LUZP2: variants seen among roughly 807,000 people sequenced by gnomAD.
The protein encoded by LUZP2 is leucine zipper protein 2.
A neutral mutation model predicts 51.6 loss-of-function variants in LUZP2; 52 were observed. That is an observed-to-expected ratio of 1.01 (90% CI 0.81 to 1.27). LUZP2 has a LOEUF of 1.27. Ranked by LOEUF, LUZP2 falls within the 50% of genes most tolerant of loss-of-function variation. LUZP2 has a pLI of 0.00. For synonymous variants in LUZP2, 154 were observed against 137.3 expected (o/e 1.12, Z -0.85); for missense variants, 436 against 395.4 (o/e 1.10, Z -0.87).
At chr11:25,047,026 G>T (rs914373182) in intron 9 of LUZP2, among the ~76,000 whole-genome samples, 18 of 152,088 alleles carry the variant, frequency 1.2e-4, no homozygotes, top group Non-Finnish European at 2.5e-4. Context: ...AAAGAAATTT[G>T]CAAGGAAATT....
chr11:24,997,674 T>C (rs1193989969), intron 9 of LUZP2, among the ~76,000 whole-genome samples: 3 of 152,104 alleles, frequency 2.0e-5, no homozygotes, highest in African/African-American at 7.2e-5. Context: ...TTTTGGTGTT[T>C]TAGACATGAA....
chr11:25,034,258 C>T (rs1174567015), intron 9 of LUZP2, among the ~76,000 whole-genome samples: 1 of 152,038 alleles, frequency 6.6e-6, no homozygotes, highest in Non-Finnish European at 1.5e-5. Context: ...GTCCTTTTCC[C>T]ATTTTTAACA....
chr11:24,514,690 C>G (rs1354382939), intron 1 of LUZP2, among the ~76,000 whole-genome samples: 1 of 151,838 alleles, frequency 6.6e-6, no homozygotes, highest in Non-Finnish European at 1.5e-5. Flanking sequence ...TTGATATTCC[C>G]AAGTGTGAGA....
At chr11:25,064,943 A>G (rs1858956228) in intron 10 of LUZP2, among the ~76,000 whole-genome samples, 1 of 152,100 alleles carries the variant, frequency 6.6e-6, no homozygotes, top group African/African-American at 2.4e-5. Context: ...TTGAGGTTTA[A>G]TATGTTAGCA....
In LUZP2 at chr11:24,760,573, T is replaced by C. The variant is rs539323275; in HGVS notation, c.334-2673T>C. On this transcript the variant is annotated intron_variant, in intron 4 of 11. Coordinates refer to ENST00000336930, the MANE Select transcript of LUZP2 (RefSeq NM_001009909.4). ...AATTCTCAAGCTTCTCTTTCTGTAT[T>C]ATGTGTTCTTTTGCCATAAAAAGTG... Among the ~76,000 whole-genome samples, 185 of 152,302 alleles carry C rather than the reference T, an allele frequency of 1.2e-3. 4 individuals carry two copies. The highest frequency in any genetic ancestry group is 1.0e-3 in the South Asian group (5 of 4,828).
In LUZP2 at chr11:24,772,856, C is replaced by G. The variant is rs564617408; in HGVS notation, c.396+9548C>G. 7.2e-5 allele frequency among the ~76,000 whole-genome samples: 11 copies of G among 152,244 alleles called. No individual in the cohort carries two copies. In the South Asian group the frequency reaches 2.3e-3, roughly 32 times the overall value. ...CTCTATGTGCCTCTTATTCATGTGC[C>G]TCTATGTCTTTGTGTGTCTTCTCCT... On this transcript the variant is annotated intron_variant, in intron 5 of 11. Coordinates refer to ENST00000336930, the MANE Select transcript of LUZP2 (RefSeq NM_001009909.4).
chr11:24,919,670 A>G (rs1052064285), intron 7 of LUZP2, among the ~76,000 whole-genome samples: 1 of 149,370 alleles, frequency 6.7e-6, no homozygotes, highest in Non-Finnish European at 1.5e-5. Flanking sequence ...GCATACATAT[A>G]TATATAATGA....
At chr11:24,801,597 C>G (rs1388335691) in intron 5 of LUZP2, among the ~76,000 whole-genome samples, 2 of 151,596 alleles carry the variant, frequency 1.3e-5, no homozygotes, top group Admixed American at 6.6e-5. Context: ...TATCACAACT[C>G]CATATTGCTT....
chr11:24,759,174 G>T (rs1053002300), intron 4 of LUZP2, among the ~76,000 whole-genome samples: 2 of 152,064 alleles, frequency 1.3e-5, no homozygotes, highest in African/African-American at 4.8e-5. Context: ...CCCTACTCTT[G>T]TTAATTTTTA....
intron 5 of LUZP2, among the ~76,000 whole-genome samples, chr11:24,768,629 T>C (rs1187429625): frequency 6.6e-6 from 1 of 152,096 alleles, no homozygotes; most frequent in African/African-American, 2.4e-5. Flanking sequence ...GATTTACAAA[T>C]GCCCAAAAGG....
intron 1 of LUZP2, among the ~76,000 whole-genome samples, chr11:24,526,197 C>A (rs1192392613): frequency 6.7e-6 from 1 of 149,942 alleles, no homozygotes; most frequent in African/African-American, 2.5e-5. Context: ...CCACTATCTG[C>A]AGGGCTCCAA....
At chr11:24,553,579 G>A (rs1159984165) in intron 1 of LUZP2, among the ~76,000 whole-genome samples, 3 of 152,022 alleles carry the variant, frequency 2.0e-5, no homozygotes, top group African/African-American at 7.2e-5. Flanking sequence ...CAGGACCTAT[G>A]AGCAAGAATC....
chr11:24,898,367 A>G (rs554409282), intron 5 of LUZP2, among the ~76,000 whole-genome samples: 46 of 152,280 alleles, frequency 3.0e-4, no homozygotes, highest in East Asian at 9.7e-4. Context: ...GCTCATGCCT[A>G]TAATTCTAGC....
At chr11:24,808,413 G>C (rs1010066886) in intron 5 of LUZP2, among the ~76,000 whole-genome samples, 4 of 152,100 alleles carry the variant, frequency 2.6e-5, no homozygotes, top group Admixed American at 2.6e-4. Context: ...AACCTTTCCT[G>C]TAGGTGTTAT....
At chr11:24,618,576 T>C (rs1431547929) in intron 1 of LUZP2, among the ~76,000 whole-genome samples, 1 of 152,224 alleles carries the variant, frequency 6.6e-6, no homozygotes. Context: ...TTGGAGCTTC[T>C]ACTTGTCTAT....
Position 24,743,658 on chromosome 11 carries a change from T to A in LUZP2, c.333+5356T>A, listed in dbSNP as rs138656940. Among the ~76,000 whole-genome samples the A allele has an allele frequency of 6.9e-3, 1,053 of 152,190 alleles. 8 individuals are homozygous for A. The highest frequency in any genetic ancestry group is 0.024 in the African/African-American group (990 of 41,538). On this transcript the variant is annotated intron_variant, in intron 4 of 11. Transcript: ENST00000336930. ...AAACAATGACAGTTTGACTTCCTCT[T>A]TACCAATTTGGATGCCATTTATTTC... is the stretch of plus-strand genomic sequence containing the variant.
chr11:24,648,499 T>C (rs972590808), intron 1 of LUZP2, among the ~76,000 whole-genome samples: 1 of 151,974 alleles, frequency 6.6e-6, no homozygotes, highest in Non-Finnish European at 1.5e-5. Flanking sequence ...ATATTTAACA[T>C]CTTGTGAAAC....
intron 5 of LUZP2, among the ~76,000 whole-genome samples, chr11:24,870,438 T>C (rs925460907): frequency 2.6e-5 from 4 of 151,728 alleles, no homozygotes; most frequent in Non-Finnish European, 5.9e-5. Context: ...AGTTATTCTG[T>C]ATCTATTGAA....
At chr11:24,771,226 A>T (rs1038547801) in intron 5 of LUZP2, among the ~76,000 whole-genome samples, 1 of 151,398 alleles carries the variant, frequency 6.6e-6, no homozygotes, top group Non-Finnish European at 1.5e-5. Flanking sequence ...TATTAAAGGC[A>T]ACCTTTCTTA....
Sources: allele counts gnomAD v4.1 joint callset (sites outside exome capture counted in the v4.1 genomes callset), GRCh38; gene constraint gnomAD v4.1.1; transcripts MANE v1.5; gene names NCBI Gene and HGNC (gene_info 2026-07-23, HGNC 2026-07-21).